Variants in FHIP1A observed in about 807,000 individuals in gnomAD.
FHIP1A encodes FHF complex subunit HOOK interacting protein 1A.
In FHIP1A, 61 loss-of-function variants were observed where a neutral mutation model predicts 88.6. That is an observed-to-expected ratio of 0.69 (90% CI 0.56 to 0.85). The LOEUF (loss-of-function observed/expected upper bound fraction) is 0.85, where lower values mean the gene tolerates loss of function less well. Among genes scored for constraint, FHIP1A ranks in the 40% least tolerant of loss-of-function variants. FHIP1A has a pLI of 0.00. For missense variants in FHIP1A, 1,154 were observed against 1,273.5 expected, an observed-to-expected ratio of 0.91 and a Z score of 1.43; for synonymous variants, 478 against 496.0, an observed-to-expected ratio of 0.96 and a Z score of 0.48.
rs148345944 is a variant in FHIP1A at position 151,600,376 on chromosome 4, A to G, written c.978+11450A>G. On this transcript the variant is annotated intron_variant, in intron 7 of 13. Transcript: ENST00000435205. The stretch of plus-strand genomic sequence containing the variant: ...GCAGTTCTGCCATTTTTTCAGAAGC[A>G]GAGAAGTCTAGAATATGATTATCAG... Among the ~76,000 whole-genome samples, 353 of 152,318 alleles carry G rather than the reference A, an allele frequency of 2.3e-3. 2 individuals carry two copies. Among genetic ancestry groups the G allele is most frequent in the African/African-American group, 7.7e-3 (321 of 41,566 alleles).
Position 151,579,647 on chromosome 4 carries a change from A to G in FHIP1A, c.732+1571A>G, listed in dbSNP as rs191657907. 3.3e-3 allele frequency among the ~76,000 whole-genome samples: 502 copies of G among 152,302 alleles called. 1 individual carries two copies. Among genetic ancestry groups the G allele is most frequent in the Middle Eastern group, 6.8e-3 (2 of 294 alleles). ...AGATATCTTAAAATAAATCCAACAA[A>G]TACATGAAAGGCCTTTATGGAGAAA... On this transcript the variant is annotated intron_variant, in intron 5 of 13. Transcript: ENST00000435205.
intron 1 of FHIP1A, chr4:151,436,442 C>CT (rs1183639303): frequency 1.3e-5 from 2 of 152,166 alleles, no homozygotes; most frequent in Non-Finnish European, 2.9e-5. Flanking sequence ...TGCAGCAAAG[C>CT]TTAGAGTCCC....
At chr4:151,488,875 T>C (rs1216857487) in intron 3 of FHIP1A, among the ~76,000 whole-genome samples, 1 of 152,220 alleles carries the variant, frequency 6.6e-6, no homozygotes, top group African/African-American at 2.4e-5. Flanking sequence ...CAATTCTACA[T>C]GCTTCCTACT....
In FHIP1A at chr4:151,666,123, GA is replaced by G. The variant is rs1261966637; in HGVS notation, c.*3370del. Among the ~76,000 whole-genome samples the G allele has an allele frequency of 6.6e-6, 1 of 152,224 alleles. No homozygotes were observed. Among genetic ancestry groups the G allele is most frequent in the Non-Finnish European group, 1.5e-5 (1 of 68,044 alleles). On this transcript the variant is annotated 3_prime_UTR_variant, in exon 14 of 14. Transcript: ENST00000435205. ...TGAGAGCACTGGGATATTTAAAATT[GA>G]TTTTTTGGAAATGGCCAAGTAAATG...
intron 3 of FHIP1A, among the ~76,000 whole-genome samples, chr4:151,507,399 C>T (rs1730872598): frequency 1.3e-5 from 2 of 151,774 alleles, no homozygotes. Context: ...GCTAGGATTA[C>T]AATAAGGAAT....
chr4:151,445,281 TG>T (rs1197092910), intron 1 of FHIP1A, among the ~76,000 whole-genome samples: 1 of 152,108 alleles, frequency 6.6e-6, no homozygotes, highest in Non-Finnish European at 1.5e-5. Context: ...ACCTCAGTCT[TG>T]GTGGAGTTTG....
chr4:151,471,298 TTA>T (rs1729500857), intron 2 of FHIP1A, among the ~76,000 whole-genome samples: 1 of 149,568 alleles, frequency 6.7e-6, no homozygotes, highest in Non-Finnish European at 1.5e-5. Flanking sequence ...TTTTTTTTTT[TTA>T]AACTTTAGCG....
chr4:151,607,819 ATTAC>A (rs930339932), intron 7 of FHIP1A, among the ~76,000 whole-genome samples: 3 of 152,108 alleles, frequency 2.0e-5, no homozygotes, highest in African/African-American at 7.2e-5. Context: ...ACTACCTATT[ATTAC>A]TTATTTAAGT....
intron 4 of FHIP1A, among the ~76,000 whole-genome samples, chr4:151,566,691 T>C (rs983402283): frequency 2.6e-5 from 4 of 152,140 alleles, no homozygotes; most frequent in Admixed American, 2.6e-4. Flanking sequence ...CTCTCTCTCT[T>C]CCCTGCTGAT....
At chr4:151,459,935 A>G (rs903393806) in intron 2 of FHIP1A, among the ~76,000 whole-genome samples, 1 of 152,200 alleles carries the variant, frequency 6.6e-6, no homozygotes, top group Admixed American at 6.5e-5. Context: ...ATTTTTTATC[A>G]TATGACAGAT....
In FHIP1A at chr4:151,552,840, A is replaced by G. The variant is rs369050995; in HGVS notation, c.-122-13298A>G. Among the ~76,000 whole-genome samples the G allele has an allele frequency of 3.3e-5, 5 of 150,088 alleles. No homozygotes were observed. In the East Asian group the frequency reaches 7.8e-4, roughly 23 times the overall value. On this transcript the variant is annotated intron_variant, in intron 3 of 13. Coordinates refer to ENST00000435205, the MANE Select transcript of FHIP1A (RefSeq NM_001109977.3). Reference sequence around the variant, plus strand: ...AAAGTATAATTAAAAAAAAAAAAAGAAAAAACAAAAGCAAAAACAAAAAGA... The same window carrying G: ...AAAGTATAATTAAAAAAAAAAAAAGGAAAAACAAAAGCAAAAACAAAAAGA...
intron 2 of FHIP1A, among the ~76,000 whole-genome samples, chr4:151,468,102 G>A (rs1231214052): frequency 6.6e-6 from 1 of 151,532 alleles, no homozygotes; most frequent in Non-Finnish European, 1.5e-5. Context: ...GGCTAACGCA[G>A]TGAAACCCCG....
At position 151,550,804 on chromosome 4, in the gene FHIP1A, G is replaced by A. The variant is rs1732700421; in HGVS notation, c.-122-15334G>A. On this transcript the variant is annotated intron_variant, in intron 3 of 13. Transcript: ENST00000435205. ...AGATTTGCATGCAGGAGTTTGTTAGGGTATGTTCTCTGAATCAGCACCTGT... is the reference window on the plus strand; with the variant it reads ...AGATTTGCATGCAGGAGTTTGTTAGAGTATGTTCTCTGAATCAGCACCTGT... Among the ~76,000 whole-genome samples, 7 of 152,126 alleles carry A rather than the reference G, an allele frequency of 4.6e-5. No individual in the cohort carries two copies. The South Asian group carries it at 1.2e-3, about 27-fold the overall frequency.
In FHIP1A at chr4:151,667,451, CTG is replaced by C. The variant is rs1737706417; in HGVS notation, c.*4698_*4699del. On this transcript the variant is annotated 3_prime_UTR_variant, in exon 14 of 14. Transcript: ENST00000435205. Reference sequence around the variant, plus strand: ...TGCTTTAGAAAGAGCTCTCAGAAGACTGAGAATGGTTTTTAGGATAATTTTGC... The same window carrying C: ...TGCTTTAGAAAGAGCTCTCAGAAGACAGAATGGTTTTTAGGATAATTTTGC... 6.6e-6 allele frequency: 1 copy of C among 152,168 alleles called. No homozygotes were observed. The highest frequency in any genetic ancestry group is 2.4e-5 in the African/African-American group (1 of 41,438). The allele number at this position is 152,168 out of a possible 1,614,324, so 9.4% of individuals were successfully genotyped here.
chr4:151,464,966 C>T (rs1226888460), intron 2 of FHIP1A, among the ~76,000 whole-genome samples: 3 of 151,950 alleles, frequency 2.0e-5, no homozygotes, highest in South Asian at 4.2e-4. Flanking sequence ...CCCAGCACTT[C>T]GGGAGGCTGA....
chr4:151,516,177 C>A (rs913916145), intron 3 of FHIP1A, among the ~76,000 whole-genome samples: 5 of 152,224 alleles, frequency 3.3e-5, no homozygotes, highest in Admixed American at 6.5e-5. Flanking sequence ...CTTTGACAAA[C>A]CTGACAAAAA....
chr4:151,594,351 G>A (rs2126817617), intron 7 of FHIP1A, among the ~76,000 whole-genome samples: 1 of 152,246 alleles, frequency 6.6e-6, no homozygotes, highest in East Asian at 1.9e-4. Context: ...GTAGAATTTG[G>A]CTGTGAATTT....
intron 9 of FHIP1A, among the ~76,000 whole-genome samples, chr4:151,645,742 C>CTGT (rs1290025043): frequency 6.6e-6 from 1 of 151,372 alleles, no homozygotes; most frequent in East Asian, 1.9e-4. Context: ...TTTTTTTTCC[C>CTGT]TGTTAAGAAA....
At chr4:151,459,296 G>C (rs1398802823) in intron 2 of FHIP1A, among the ~76,000 whole-genome samples, 3 of 152,154 alleles carry the variant, frequency 2.0e-5, no homozygotes. Flanking sequence ...TTGATTGATG[G>C]AGTTTACTTT....
Sources: gnomAD v4.1 joint callset for allele counts (sites outside exome capture counted in the v4.1 genomes callset) on GRCh38, gnomAD v4.1.1 for gene constraint, MANE v1.5 for transcripts, NCBI Gene and HGNC (gene_info 2026-07-23, HGNC 2026-07-21) for gene names.